The following SHISA9 variants were observed in gnomAD, a reference collection of about 807,000 sequenced individuals.
The protein encoded by SHISA9 is shisa family member 9.
A neutral mutation model predicts 38.0 loss-of-function variants in SHISA9; 13 were observed. The ratio of observed to expected loss-of-function variants is 0.34; its 90% CI spans 0.22 to 0.54. SHISA9 has a LOEUF of 0.54. SHISA9 is among the 20% of genes least tolerant of loss of function. SHISA9 has a pLI of 0.91. For missense variants in SHISA9, 538 were observed against 575.8 expected, an observed-to-expected ratio of 0.93 and a Z score of 0.67; for synonymous variants, 275 against 242.0, an observed-to-expected ratio of 1.14 and a Z score of -1.27.
intron 2 of SHISA9, among the ~76,000 whole-genome samples, chr16:13,094,288 T>C (rs1452649827): frequency 6.6e-6 from 1 of 152,188 alleles, no homozygotes; most frequent in Non-Finnish European, 1.5e-5. Context: ...CTTCCCATCC[T>C]TGGAAGATGA....
At chr16:13,469,401 G>A in the SHISA9 span, among the ~76,000 whole-genome samples, 1 of 124,714 alleles carries the variant, frequency 8.0e-6, no homozygotes, top group East Asian at 2.2e-4. Flanking sequence ...AAGAAAGAAA[G>A]AAAGAAAGAA....
At chr16:13,232,342 A>T (rs2051339428) in intron 4 of SHISA9, among the ~76,000 whole-genome samples, 1 of 152,216 alleles carries the variant, frequency 6.6e-6, no homozygotes, top group Non-Finnish European at 1.5e-5. Context: ...AATGAAAAAC[A>T]AATAAGAAAA....
chr16:13,375,248 T>C, the SHISA9 span, among the ~76,000 whole-genome samples: 18 of 152,346 alleles, frequency 1.2e-4, no homozygotes, highest in African/African-American at 4.3e-4. Flanking sequence ...TCCTTTCCCA[T>C]GCCTATGTCC....
the SHISA9 span, among the ~76,000 whole-genome samples, chr16:13,313,049 T>A: frequency 0.49 from 73,237 of 149,998 alleles, 18,071 homozygotes; most frequent in Middle Eastern, 0.55. Flanking sequence ...AGGTCAGGAG[T>A]TCGAGACCAT....
chr16:12,904,477 C>G (rs567307519), intron 1 of SHISA9, among the ~76,000 whole-genome samples: 2 of 152,298 alleles, frequency 1.3e-5, no homozygotes, highest in African/African-American at 4.8e-5. Flanking sequence ...CAGCTCTCTA[C>G]CGGTTACCCA....
chr16:12,995,083 A>C (rs781668552), intron 2 of SHISA9, among the ~76,000 whole-genome samples: 6 of 152,026 alleles, frequency 3.9e-5, no homozygotes, highest in Non-Finnish European at 8.8e-5. Context: ...TAATTTTTTT[A>C]AACTTTTACT....
chr16:13,248,708 G>A, the SHISA9 span, among the ~76,000 whole-genome samples: 66 of 152,274 alleles, frequency 4.3e-4, no homozygotes, highest in Admixed American at 7.8e-4. Flanking sequence ...CCACCCATTA[G>A]GAACCAGGCT....
At chr16:13,439,974 C>G in the SHISA9 span, among the ~76,000 whole-genome samples, 1 of 152,178 alleles carries the variant, frequency 6.6e-6, no homozygotes, top group Non-Finnish European at 1.5e-5. Context: ...AGATAAAATG[C>G]TGTTAAGGAA....
intron 2 of SHISA9, among the ~76,000 whole-genome samples, chr16:13,184,595 C>T (rs911606003): frequency 6.6e-6 from 1 of 152,226 alleles, no homozygotes; most frequent in African/African-American, 2.4e-5. Flanking sequence ...TGTTCCCCCA[C>T]CACCAATTCC....
the SHISA9 span, among the ~76,000 whole-genome samples, chr16:13,411,678 G>A: frequency 6.6e-6 from 1 of 152,180 alleles, no homozygotes; most frequent in Non-Finnish European, 1.5e-5. Context: ...ATGAAGATGA[G>A]GTAAGGAGAA....
At chr16:13,123,322 A>T (rs570567729) in intron 2 of SHISA9, among the ~76,000 whole-genome samples, 1 of 152,362 alleles carries the variant, frequency 6.6e-6, no homozygotes, top group African/African-American at 2.4e-5. Context: ...TCATTCATTC[A>T]TTTAGGAGCT....
At chr16:13,113,061 T>G (rs2141968984) in intron 2 of SHISA9, among the ~76,000 whole-genome samples, 1 of 151,702 alleles carries the variant, frequency 6.6e-6, no homozygotes, top group Admixed American at 6.6e-5. Context: ...AATACAAAAA[T>G]TAGCCAGGCG....
intron 2 of SHISA9, among the ~76,000 whole-genome samples, chr16:12,940,675 A>G (rs74896783): frequency 0.025 from 3,811 of 152,278 alleles, 68 homozygotes; most frequent in African/African-American, 0.044. Flanking sequence ...TTGCTGAGAG[A>G]TGCTTTGTCC....
chr16:13,451,416 G>C, the SHISA9 span, among the ~76,000 whole-genome samples: 1 of 152,222 alleles, frequency 6.6e-6, no homozygotes, highest in Non-Finnish European at 1.5e-5. Flanking sequence ...CCTATTGGGA[G>C]AGACTAAGTC....
the SHISA9 span, among the ~76,000 whole-genome samples, chr16:13,266,596 C>A: frequency 6.6e-6 from 1 of 152,080 alleles, no homozygotes; most frequent in East Asian, 1.9e-4. Context: ...GAGGCTCAGG[C>A]CCCCCAGAAT....
the SHISA9 span, among the ~76,000 whole-genome samples, chr16:13,474,640 G>T: frequency 6.6e-6 from 1 of 152,186 alleles, no homozygotes; most frequent in Non-Finnish European, 1.5e-5. Flanking sequence ...AATAAAAATA[G>T]AAGACTGTGA....
At chr16:12,906,595 T>C (rs891694740) in intron 1 of SHISA9, among the ~76,000 whole-genome samples, 9 of 152,218 alleles carry the variant, frequency 5.9e-5, no homozygotes, top group Admixed American at 1.3e-4. Context: ...TACCAAACCA[T>C]GTAGTCATGC....
the SHISA9 span, among the ~76,000 whole-genome samples, chr16:13,297,761 T>TC: frequency 6.6e-6 from 1 of 152,192 alleles, no homozygotes; most frequent in African/African-American, 2.4e-5. Flanking sequence ...TCTTTTTTTT[T>TC]CTTTCTTCTT....
chr16:13,327,115 A>G, the SHISA9 span, among the ~76,000 whole-genome samples: 158 of 152,298 alleles, frequency 1.0e-3, no homozygotes, highest in African/African-American at 3.6e-3. Context: ...GACACACTGA[A>G]CATGATTACT....
Sources: gnomAD v4.1 joint callset for allele counts (sites outside exome capture counted in the v4.1 genomes callset) on GRCh38, gnomAD v4.1.1 for gene constraint, MANE v1.5 for transcripts, NCBI Gene and HGNC (gene_info 2026-07-23, HGNC 2026-07-21) for gene names.